The following MYO18B variants were observed in gnomAD, a reference collection of about 807,000 sequenced individuals.
MYO18B encodes myosin XVIIIB.
MYO18B carries 204 observed loss-of-function variants against 273.0 expected under a neutral mutation model. The observed-to-expected ratio is 0.75, with a 90% CI of 0.67 to 0.84. MYO18B has a LOEUF of 0.84. Among genes scored for constraint, MYO18B ranks in the 40% least tolerant of loss-of-function variants. The pLI, the probability that MYO18B is intolerant of heterozygous loss-of-function variation, is 0.00. For synonymous variants in MYO18B, 1,330 were observed against 1,305.7 expected (o/e 1.02, Z -0.40); for missense variants, 3,212 against 3,287.6 (o/e 0.98, Z 0.56).
chr22:26,052,587 G>A, the MYO18B span, among the ~76,000 whole-genome samples: 2 of 150,734 alleles, frequency 1.3e-5, no homozygotes, highest in African/African-American at 5.0e-5. Context: ...AGAAACCAAG[G>A]GGTGGGAGTG....
intron 9 of MYO18B, 58 bp from the exon 10 acceptor site, chr22:25,781,676 C>T (rs2087163700): frequency 3.6e-6 from 4 of 1,105,838 alleles, no homozygotes; most frequent in Non-Finnish European, 4.9e-6. Context: ...AGCTGCACTT[C>T]AGGCATGTGC....
the MYO18B span, among the ~76,000 whole-genome samples, chr22:26,060,762 A>G: frequency 6.7e-6 from 1 of 149,820 alleles, no homozygotes; most frequent in African/African-American, 2.5e-5. Context: ...ATATACATAC[A>G]AACATGCATA....
intron 39 of MYO18B, among the ~76,000 whole-genome samples, chr22:25,989,779 A>G (rs1489590168): frequency 1.3e-5 from 2 of 151,290 alleles, no homozygotes; most frequent in Non-Finnish European, 3.0e-5. Context: ...AAAAAAAAAA[A>G]AAAAAAAAAG....
At chr22:25,993,380 A>G (rs1315121585) in intron 40 of MYO18B, among the ~76,000 whole-genome samples, 3 of 152,130 alleles carry the variant, frequency 2.0e-5, no homozygotes, top group Admixed American at 2.0e-4. Context: ...CACTTTCCTT[A>G]CACAGCTTTT....
Position 25,903,612 on chromosome 22 carries a change from G to A in MYO18B, c.4948-19G>A. On this transcript the variant is annotated intron_variant, in intron 30 of 43. Coordinates refer to ENST00000335473, the MANE Select transcript of MYO18B (RefSeq NM_032608.7). ...CATACTCATGTGACTCCAGATCTCT[G>A]TCCTCTTTGTCTCTGTAGCAAAAGG... The A allele has an allele frequency of 6.3e-7, 1 of 1,585,620 alleles. No individual in the cohort carries two copies. Among genetic ancestry groups the A allele is most frequent in the Non-Finnish European group, 8.6e-7 (1 of 1,165,582 alleles).
chr22:25,888,470 C>T (rs1377862507), intron 25 of MYO18B, among the ~76,000 whole-genome samples: 1 of 152,162 alleles, frequency 6.6e-6, no homozygotes, highest in Non-Finnish European at 1.5e-5. Flanking sequence ...CTATGTTGCC[C>T]AGGCTGGTCT....
intron 7 of MYO18B, 23 bp downstream of exon 7, chr22:25,772,533 A>AGGGCTGAG: frequency 2.5e-6 from 4 of 1,606,736 alleles, no homozygotes; most frequent in Non-Finnish European, 2.6e-6. Flanking sequence ...CATTGTGGGC[A>AGGGCTGAG]GGGCTGAGGG....
At chr22:25,955,432 T>A in intron 39 of MYO18B, 68 bp downstream of exon 39, 2 of 1,488,906 alleles carry the variant, frequency 1.3e-6, no homozygotes, top group Middle Eastern at 2.5e-4. Context: ...CCCCCTTTCT[T>A]AAGACTTCTG....
At chr22:25,945,570 T>C (rs777278171) in intron 34 of MYO18B, among the ~76,000 whole-genome samples, 6 of 151,978 alleles carry the variant, frequency 3.9e-5, no homozygotes, top group Non-Finnish European at 5.9e-5. Context: ...TGTGAGTTGA[T>C]GAATAGTTGT....
At chr22:25,814,251 A>G (rs1368987035) in intron 12 of MYO18B, among the ~76,000 whole-genome samples, 1 of 142,398 alleles carries the variant, frequency 7.0e-6, no homozygotes, top group Non-Finnish European at 1.5e-5. Flanking sequence ...TAATAACAGT[A>G]GCTCACATTT....
intron 10 of MYO18B, 128 bp downstream of exon 10, chr22:25,781,962 G>C (rs565403097): frequency 8.3e-6 from 5 of 605,108 alleles, no homozygotes; most frequent in African/African-American, 5.7e-5. Flanking sequence ...GGAACATGGC[G>C]TCCGATTCCA....
chr22:26,062,575 A>G, the MYO18B span, among the ~76,000 whole-genome samples: 2 of 152,196 alleles, frequency 1.3e-5, no homozygotes, highest in Admixed American at 1.3e-4. Flanking sequence ...CCCTAGTTAC[A>G]TGAGCTAATA....
intron 42 of MYO18B, among the ~76,000 whole-genome samples, chr22:26,013,846 T>G (rs1468572033): frequency 6.6e-6 from 1 of 152,206 alleles, no homozygotes; most frequent in Non-Finnish European, 1.5e-5. Flanking sequence ...ATTATTTTTA[T>G]TCTTCTTTGG....
chr22:25,885,636 G>A (rs529504875), intron 25 of MYO18B, among the ~76,000 whole-genome samples: 7 of 152,244 alleles, frequency 4.6e-5, no homozygotes, highest in Admixed American at 2.6e-4. Context: ...ATCGCAGGGG[G>A]TCAGGAGAAT....
chr22:25,831,567 G>A (rs1280926639), intron 15 of MYO18B, among the ~76,000 whole-genome samples: 2 of 152,108 alleles, frequency 1.3e-5, no homozygotes, highest in Non-Finnish European at 2.9e-5. Flanking sequence ...ATTTTTAGTA[G>A]CGATGGGGTT....
chr22:26,061,359 A>G, the MYO18B span, among the ~76,000 whole-genome samples: 2 of 152,260 alleles, frequency 1.3e-5, no homozygotes, highest in South Asian at 4.1e-4. Flanking sequence ...TCCTGGCCAT[A>G]GCACCAAAGT....
At chr22:25,759,609 G>A (rs1163435765) in intron 1 of MYO18B, among the ~76,000 whole-genome samples, 5 of 152,130 alleles carry the variant, frequency 3.3e-5, no homozygotes, top group Non-Finnish European at 7.3e-5. Context: ...CATGGCACGT[G>A]TATACCTATG....
intron 40 of MYO18B, among the ~76,000 whole-genome samples, chr22:25,995,954 T>C (rs1305154717): frequency 2.6e-5 from 4 of 152,210 alleles, no homozygotes; most frequent in African/African-American, 9.6e-5. Flanking sequence ...TCAGAGTTGC[T>C]GTGAGGTGTG....
At chr22:26,006,392 AC>A (rs201270929) in intron 42 of MYO18B, 3,229 of 229,104 alleles carry the variant, frequency 0.014, 32 homozygotes, top group Non-Finnish European at 0.022. Flanking sequence ...GGCACTTTTT[AC>A]ATTGTAATGG....
Sources: gnomAD v4.1 joint callset for allele counts (sites outside exome capture counted in the v4.1 genomes callset) on GRCh38, gnomAD v4.1.1 for gene constraint, MANE v1.5 for transcripts, NCBI Gene and HGNC (gene_info 2026-07-23, HGNC 2026-07-21) for gene names.